Variants in PPP1CC observed in about 807,000 individuals in gnomAD.
The protein encoded by PPP1CC is protein phosphatase 1 catalytic subunit gamma.
PPP1CC carries 16 observed loss-of-function variants against 38.4 expected under a neutral mutation model. The ratio of observed to expected loss-of-function variants is 0.42; its 90% CI spans 0.28 to 0.63. PPP1CC has a LOEUF of 0.63. Ranked by LOEUF, PPP1CC falls within the 30% of genes least tolerant of loss-of-function variation. PPP1CC has a pLI of 0.25. For missense variants in PPP1CC, 170 were observed against 391.3 expected, an observed-to-expected ratio of 0.43 and a Z score of 4.77; for synonymous variants, 158 against 136.0, an observed-to-expected ratio of 1.16 and a Z score of -1.13.
chr12:110,715,949 C>T (rs972919349), downstream of PPP1CC, among the ~76,000 whole-genome samples: 2 of 151,968 alleles, frequency 1.3e-5, no homozygotes, highest in South Asian at 2.1e-4. Context: ...CACCACCTGT[C>T]GCTTTATTGC....
chr12:110,739,349 G>C (rs1267297867), intron 1 of PPP1CC, among the ~76,000 whole-genome samples: 1 of 151,812 alleles, frequency 6.6e-6, no homozygotes, highest in East Asian at 1.9e-4. Flanking sequence ...GTGTTCATTA[G>C]GAAAGATTAC....
chr12:110,728,669 G>A (rs1023849162), intron 3 of PPP1CC, among the ~76,000 whole-genome samples: 1 of 152,124 alleles, frequency 6.6e-6, no homozygotes, highest in African/African-American at 2.4e-5. Context: ...AGTAGTAACT[G>A]GCTTACTGGT....
chr12:110,725,060 TAAAG>T (rs908410166), intron 3 of PPP1CC: 2 of 195,016 alleles, frequency 1.0e-5, no homozygotes, highest in Admixed American at 5.7e-5. Context: ...CCCATCTCTT[TAAAG>T]AAAGACTCTC....
rs367543176 is a variant in PPP1CC, at chr12:110,731,881, T to C, written c.76A>G (p.Lys26Glu). Residue 26 changes from lysine to glutamate, a missense_variant, in exon 2 of 7, where the codon AAG (lysine) becomes GAG (glutamate). By Grantham distance (56) the Lys-to-Glu change is moderately conservative (BLOSUM62 1). Around this residue, in one of 3 missense-constraint regions of PPP1CC, gnomAD observed 117 missense variants for 344.4 expected, o/e 0.34. Transcript: ENST00000335007. The stretch of plus-strand genomic sequence containing the variant: ...TCATTCTCCTGAAGCTGGACATTCT[T>C]ACCAGGCTTGGACCCTCTCACTGCA... Reference protein sequence around the residue: ...LLEVRGSKPGKNVQLQENEIR... With the variant: ...LLEVRGSKPGENVQLQENEIR... 11 of 1,613,692 alleles carry C rather than the reference T, an allele frequency of 6.8e-6. No individual in the cohort carries two copies. The highest frequency in any genetic ancestry group is 3.4e-6 in the Non-Finnish European group (4 of 1,179,752).
At chr12:110,710,161 AAATG>A in the PPP1CC span, among the ~76,000 whole-genome samples, 2 of 151,980 alleles carry the variant, frequency 1.3e-5, no homozygotes, top group Admixed American at 6.6e-5. Flanking sequence ...TGTTAAAGTG[AAATG>A]AAAGACAGAA....
chr12:110,731,666 C>T (rs539747423), intron 2 of PPP1CC, 104 bp downstream of exon 2: 22 of 1,317,088 alleles, frequency 1.7e-5, no homozygotes, highest in East Asian at 9.7e-5. Context: ...AAGCTATTCG[C>T]AAACAGGATA....
chr12:110,729,383 T>C (rs548418113), intron 3 of PPP1CC, among the ~76,000 whole-genome samples: 1 of 152,084 alleles, frequency 6.6e-6, no homozygotes, highest in Non-Finnish European at 1.5e-5. Context: ...TTAGTAGAGA[T>C]GAGGTTTCCT....
downstream of PPP1CC, among the ~76,000 whole-genome samples, chr12:110,719,382 G>T (rs1367538285): frequency 6.6e-6 from 1 of 152,060 alleles, no homozygotes; most frequent in Non-Finnish European, 1.5e-5. Context: ...ACGCCCTCAG[G>T]GAGACCACTT....
At chr12:110,736,395 G>A (rs1211972448) in intron 1 of PPP1CC, among the ~76,000 whole-genome samples, 1 of 152,170 alleles carries the variant, frequency 6.6e-6, no homozygotes. Context: ...TATAATCCCA[G>A]CACTTTGGGA....
intron 1 of PPP1CC, among the ~76,000 whole-genome samples, chr12:110,739,370 T>G (rs975247036): frequency 6.6e-6 from 1 of 152,152 alleles, no homozygotes; most frequent in African/African-American, 2.4e-5. Context: ...TTTTGTTTTT[T>G]TTTTTGGTTA....
downstream of PPP1CC, among the ~76,000 whole-genome samples, chr12:110,716,090 T>C (rs562017716): frequency 8.7e-5 from 13 of 149,148 alleles, no homozygotes; most frequent in South Asian, 1.9e-3. Flanking sequence ...TAAAGACTTA[T>C]GTCTTCCTTC....
intron 1 of PPP1CC, among the ~76,000 whole-genome samples, chr12:110,740,607 C>T (rs2070007214): frequency 6.6e-6 from 1 of 151,990 alleles, no homozygotes; most frequent in South Asian, 2.1e-4. Context: ...ATTCCCAAGG[C>T]ATTAAAATGC....
At chr12:110,735,769 A>G in intron 1 of PPP1CC, among the ~76,000 whole-genome samples, 1 of 150,680 alleles carries the variant, frequency 6.6e-6, no homozygotes, top group Non-Finnish European at 1.5e-5. Flanking sequence ...GCAACAAGAA[A>G]GAAACTCCGT....
At chr12:110,736,769 G>A (rs574636910) in intron 1 of PPP1CC, among the ~76,000 whole-genome samples, 2 of 152,254 alleles carry the variant, frequency 1.3e-5, no homozygotes, top group East Asian at 3.9e-4. Context: ...AACTATGGAA[G>A]GAAATTTAAG....
the PPP1CC span, among the ~76,000 whole-genome samples, chr12:110,712,399 G>A: frequency 6.6e-5 from 10 of 151,392 alleles, no homozygotes; most frequent in African/African-American, 2.2e-4. Context: ...CAGCACTTCG[G>A]GAGGCCAAGG....
intron 1 of PPP1CC, among the ~76,000 whole-genome samples, chr12:110,741,968 T>C (rs1481536228): frequency 6.6e-6 from 1 of 152,186 alleles, no homozygotes; most frequent in Non-Finnish European, 1.5e-5. Context: ...ATTGGAAAGA[T>C]AATGATAGCG....
At chr12:110,719,218 G>A (rs1001267973), downstream of PPP1CC, among the ~76,000 whole-genome samples, 5 of 152,132 alleles carry the variant, frequency 3.3e-5, no homozygotes, top group African/African-American at 1.2e-4. Context: ...TATTGTCAAT[G>A]TGGAGCAGGC....
chr12:110,724,206 C>A (rs546411996), intron 4 of PPP1CC, among the ~76,000 whole-genome samples: 94 of 152,134 alleles, frequency 6.2e-4, no homozygotes, highest in African/African-American at 2.2e-3. Flanking sequence ...CCACTGCGCT[C>A]CAGCCTGGGT....
At chr12:110,713,105 A>G in the PPP1CC span, among the ~76,000 whole-genome samples, 1 of 151,634 alleles carries the variant, frequency 6.6e-6, no homozygotes. Flanking sequence ...AAACCAGCAA[A>G]TAACTTGGAA....
Sources: allele counts gnomAD v4.1 joint callset (sites outside exome capture counted in the v4.1 genomes callset), GRCh38; gene constraint gnomAD v4.1.1; regional missense constraint gnomAD v4.1.1; transcripts MANE v1.5; gene names NCBI Gene and HGNC (gene_info 2026-07-23, HGNC 2026-07-21).